The following PCDHGA3 variants were observed in gnomAD, a reference collection of about 807,000 sequenced individuals.
PCDHGA3 encodes the protein protocadherin gamma-A3.
A neutral mutation model predicts 58.5 loss-of-function variants in PCDHGA3; 40 were observed. The ratio of observed to expected loss-of-function variants is 0.68; its 90% CI spans 0.53 to 0.89. The LOEUF (loss-of-function observed/expected upper bound fraction) is 0.89. PCDHGA3 is among the 40% of genes least tolerant of loss of function. The pLI, the probability that PCDHGA3 is intolerant of heterozygous loss-of-function variation, is 0.00. For missense variants in PCDHGA3, 1,223 were observed against 1,195.9 expected, an observed-to-expected ratio of 1.02 and a Z score of -0.33; for synonymous variants, 530 against 525.7, an observed-to-expected ratio of 1.01 and a Z score of -0.11.
At chr5:141,400,191 A>G (rs781032596) in intron 1 of PCDHGA3, 2 of 1,613,970 alleles carry the variant, frequency 1.2e-6, no homozygotes, top group Non-Finnish European at 1.7e-6. Context: ...AGTTTTACCT[A>G]GTGGTGGCCT....
chr5:141,356,202 G>C, intron 1 of PCDHGA3: 1 of 1,607,648 alleles, frequency 6.2e-7, no homozygotes, highest in Non-Finnish European at 8.5e-7. Flanking sequence ...GCAAGGTACT[G>C]GTGACAGTTC....
intron 1 of PCDHGA3, chr5:141,404,187 G>A (rs370199750): frequency 3.1e-6 from 5 of 1,613,124 alleles, no homozygotes; most frequent in African/African-American, 1.3e-5. Context: ...ATTCTTGACC[G>A]AGAAAAAGCC....
chr5:141,498,940 A>G (rs527366029), intron 2 of PCDHGA3, among the ~76,000 whole-genome samples: 57 of 140,142 alleles, frequency 4.1e-4, no homozygotes, highest in Non-Finnish European at 7.3e-4. Flanking sequence ...CAGGAAAGAA[A>G]GAAAGAAAAA....
rs769153122 is a variant in PCDHGA3 at position 141,485,243 on chromosome 5, C to T, written c.2425-9564C>T. 8 of 1,614,062 alleles carry T rather than the reference C, an allele frequency of 5.0e-6. No homozygotes were observed. In the Admixed American group the frequency reaches 1.2e-4, roughly 24 times the overall value. ...TACCCTTTTGTTCCTCTTTTACCACCTGGGTTACGTTTGTGGGCAGATCCG... is the reference window on the plus strand; with the variant it reads ...TACCCTTTTGTTCCTCTTTTACCACTTGGGTTACGTTTGTGGGCAGATCCG... On this transcript the variant is annotated intron_variant, in intron 1 of 3. Transcript: ENST00000253812. The surrounding 1 kb of genome is among the most constrained non-coding windows in gnomAD (Gnocchi z 5.7).
intron 1 of PCDHGA3, chr5:141,351,544 T>C (rs765303691): frequency 5.3e-5 from 86 of 1,613,842 alleles, no homozygotes; most frequent in Non-Finnish European, 7.1e-5. Context: ...AACCAGCCCT[T>C]TCCTCCAGGA....
intron 1 of PCDHGA3, chr5:141,356,888 T>C: frequency 6.2e-7 from 1 of 1,614,236 alleles, no homozygotes; most frequent in Non-Finnish European, 8.5e-7. Context: ...CCTGAGATCC[T>C]GTACCCCACC....
At chr5:141,468,797 C>A (rs191599825) in intron 1 of PCDHGA3, among the ~76,000 whole-genome samples, 1 of 151,770 alleles carries the variant, frequency 6.6e-6, no homozygotes, top group East Asian at 1.9e-4. Context: ...ACCCGGGAGG[C>A]GGAACTTGCA....
intron 1 of PCDHGA3, chr5:141,410,503 A>G: frequency 6.2e-7 from 1 of 1,613,958 alleles, no homozygotes; most frequent in Non-Finnish European, 8.5e-7. Context: ...TTAATTTCCT[A>G]AAATGCAGTG....
chr5:141,431,767 T>G lies in PCDHGA3; in HGVS notation c.2425-63040T>G, dbSNP rs1397063213. On this transcript the variant is annotated intron_variant, in intron 1 of 3. Coordinates refer to ENST00000253812, the MANE Select transcript of PCDHGA3 (RefSeq NM_018916.4). The surrounding 1 kb of genome is among the most constrained non-coding windows in gnomAD (Gnocchi z 4.8). ...CTGCGCGAGCCAAAGTCCTGATCAC[T>G]GTTCTGGACGTGAACGACAATGCCC... The G allele has an allele frequency of 6.2e-7, 1 of 1,614,224 alleles. No individual in the cohort carries two copies.
chr5:141,421,885 G>T, intron 1 of PCDHGA3: 1 of 1,613,692 alleles, frequency 6.2e-7, no homozygotes, highest in Non-Finnish European at 8.5e-7. Context: ...AGATGGAGGC[G>T]ATCCCATCCG....
chr5:141,430,882 A>G, intron 1 of PCDHGA3: 3 of 1,601,068 alleles, frequency 1.9e-6, no homozygotes, highest in Non-Finnish European at 2.6e-6. Context: ...AGCTGGAGAA[A>G]GGCTCTAGGG....
Position 141,345,341 on chromosome 5 carries a change from TC to T in PCDHGA3, c.1309del (p.His437ThrfsTer6). On this transcript the variant is annotated frameshift_variant, in exon 1 of 4. Transcript: ENST00000253812. LOFTEE classifies it high-confidence loss of function. ...GGSPPLSTET[H>X]ITLHVIDIND... ...GAAGCCCGCCACTGTCCACAGAAAC[TC>T]ACATCACCCTGCATGTGATTGACAT... is the stretch of plus-strand genomic sequence containing the variant. The T allele has an allele frequency of 1.9e-6, 3 of 1,613,954 alleles. No homozygotes were observed. The highest frequency in any genetic ancestry group is 8.5e-7 in the Non-Finnish European group (1 of 1,179,926).
intron 1 of PCDHGA3, chr5:141,419,406 C>A (rs367731612): frequency 1.9e-6 from 3 of 1,613,404 alleles, no homozygotes; most frequent in Non-Finnish European, 2.5e-6. Context: ...GTGGTGTTCG[C>A]GCAGCGCGCC....
intron 1 of PCDHGA3, chr5:141,364,607 G>A (rs775025025): frequency 6.2e-7 from 1 of 1,614,080 alleles, no homozygotes; most frequent in African/African-American, 1.3e-5. Context: ...GATAGACCGG[G>A]AGGAGCTCTG....
intron 1 of PCDHGA3, chr5:141,413,249 G>A (rs756270877): frequency 6.8e-6 from 11 of 1,613,832 alleles, no homozygotes; most frequent in Non-Finnish European, 9.3e-6. Flanking sequence ...CTTTTCTTCG[G>A]GATTCCATGG....
At chr5:141,382,541 T>G (rs1388934219) in intron 1 of PCDHGA3, among the ~76,000 whole-genome samples, 2 of 152,224 alleles carry the variant, frequency 1.3e-5, no homozygotes, top group African/African-American at 4.8e-5. Context: ...GATTTTTAAT[T>G]ATCAGGGATA....
At chr5:141,421,257 C>T (rs944057868) in intron 1 of PCDHGA3, 1 of 1,608,520 alleles carries the variant, frequency 6.2e-7, no homozygotes, top group African/African-American at 1.3e-5. Context: ...GCGGGGACCG[C>T]AGTCGGCTGC....
intron 1 of PCDHGA3, chr5:141,423,627 C>T (rs925883716): frequency 6.2e-7 from 1 of 1,604,886 alleles, no homozygotes; most frequent in African/African-American, 1.3e-5. Context: ...ACTCAGCTAT[C>T]ATTTTAGGCA....
chr5:141,440,793 C>T (rs1448130354), intron 1 of PCDHGA3: 1 of 152,124 alleles, frequency 6.6e-6, no homozygotes, highest in Non-Finnish European at 1.5e-5. Context: ...TAGACGGCCC[C>T]CCAACAAAGC....
Sources: allele counts gnomAD v4.1 joint callset (sites outside exome capture counted in the v4.1 genomes callset), GRCh38; gene constraint gnomAD v4.1.1; non-coding constraint Gnocchi (gnomAD v3.1); transcripts MANE v1.5; gene names NCBI Gene and HGNC (gene_info 2026-07-23, HGNC 2026-07-21).